The following CRHBP variants were observed in gnomAD, a reference collection of about 807,000 sequenced individuals.
CRHBP encodes corticotropin releasing hormone binding protein, also known as corticotropin-releasing hormone-binding protein.
In CRHBP, 19 loss-of-function variants were observed where a neutral mutation model predicts 34.9. The ratio of observed to expected loss-of-function variants is 0.55; its 90% confidence interval spans 0.38 to 0.80. The LOEUF (loss-of-function observed/expected upper bound fraction) is 0.80. Ranked by LOEUF, CRHBP falls within the 30% of genes least tolerant of loss-of-function variation. CRHBP has a pLI of 0.00. For missense variants in CRHBP, 328 were observed against 409.2 expected (o/e 0.80, Z 1.71); for synonymous variants, 154 against 153.4 (o/e 1.00, Z -0.03).
intron 6 of CRHBP, among the ~76,000 whole-genome samples, chr5:76,965,477 A>G (rs1190780794): frequency 6.6e-6 from 1 of 152,244 alleles, no homozygotes; most frequent in East Asian, 1.9e-4. Context: ...CTGTCAGTGC[A>G]TGCGGCTTCT....
At chr5:76,964,606 C>T (rs1312031546) in intron 6 of CRHBP, among the ~76,000 whole-genome samples, 1 of 152,226 alleles carries the variant, frequency 6.6e-6, no homozygotes, top group Non-Finnish European at 1.5e-5. Context: ...GTAATCACAG[C>T]ACTTTGGGAG....
intron 6 of CRHBP, among the ~76,000 whole-genome samples, 194 bp from the exon 7 acceptor site, chr5:76,968,534 A>G (rs185828534): frequency 1.8e-3 from 274 of 152,346 alleles, no homozygotes; most frequent in Middle Eastern, 0.01. Flanking sequence ...CAATTGCACT[A>G]TTCTATAACT....
At chr5:76,958,160 G>GAA (rs888448476) in intron 4 of CRHBP, among the ~76,000 whole-genome samples, 3 of 140,570 alleles carry the variant, frequency 2.1e-5, no homozygotes, top group Non-Finnish European at 3.1e-5. Context: ...TTCCATCTCA[G>GAA]AAAAAAAAAA....
At chr5:76,963,523 C>A (rs879859446) in intron 6 of CRHBP, 63 bp downstream of exon 6, 105 of 1,421,970 alleles carry the variant, frequency 7.4e-5, no homozygotes, top group Non-Finnish European at 1.0e-4. Context: ...TAAGCACTCC[C>A]CTAATATTTT....
chr5:76,974,829 A>C (rs1000017236), intron 2 of CRHBP, among the ~76,000 whole-genome samples: 1 of 152,214 alleles, frequency 6.6e-6, no homozygotes, highest in Non-Finnish European at 1.5e-5. Flanking sequence ...AGAAACAGAG[A>C]TACGAGAGAG....
downstream of CRHBP, among the ~76,000 whole-genome samples, chr5:76,971,764 T>C (rs1283803561): frequency 6.6e-6 from 1 of 152,236 alleles, no homozygotes; most frequent in Non-Finnish European, 1.5e-5. Flanking sequence ...GAGCAAATTG[T>C]CTCATAAATT....
chr5:76,968,515 G>T (rs1273467857), intron 6 of CRHBP, among the ~76,000 whole-genome samples: 1 of 152,120 alleles, frequency 6.6e-6, no homozygotes, highest in African/African-American at 2.4e-5. Context: ...TGAGGAGAAA[G>T]ACTGAATTCA....
intron 6 of CRHBP, among the ~76,000 whole-genome samples, chr5:76,964,107 T>A (rs940087826): frequency 6.6e-6 from 1 of 152,152 alleles, no homozygotes; most frequent in African/African-American, 2.4e-5. Flanking sequence ...TATTTTCACT[T>A]TTTTATGCTC....
At position 76,959,786 on chromosome 5, in the gene CRHBP, G is replaced by T. The variant is rs183219281; in HGVS notation, c.693+897G>T. 2.1e-3 allele frequency among the ~76,000 whole-genome samples: 325 copies of T among 152,206 alleles called. 3 individuals carry two copies. The highest frequency in any genetic ancestry group is 7.4e-3 in the African/African-American group (306 of 41,534). On this transcript the variant is annotated intron_variant, in intron 5 of 6. Transcript: ENST00000274368. ...AGTCCTTTGATAAGGACATTTTTGG[G>T]TATCTTTGGTACAGTTTTACTGGCT... is the stretch of plus-strand genomic sequence containing the variant.
intron 6 of CRHBP, among the ~76,000 whole-genome samples, chr5:76,964,407 T>C (rs1252362787): frequency 3.9e-5 from 6 of 152,224 alleles, no homozygotes; most frequent in Admixed American, 2.6e-4. Context: ...TGATCAGCTG[T>C]TACCTGTAAT....
At chr5:76,962,339 A>G (rs1429907708) in intron 5 of CRHBP, among the ~76,000 whole-genome samples, 6 of 152,326 alleles carry the variant, frequency 3.9e-5, no homozygotes, top group African/African-American at 1.2e-4. Flanking sequence ...CCTTCTAGGC[A>G]CTGGCTTTTT....
downstream of CRHBP, among the ~76,000 whole-genome samples, chr5:76,971,603 C>T (rs1012499402): frequency 6.6e-5 from 10 of 152,290 alleles, no homozygotes; most frequent in East Asian, 1.9e-4. Context: ...CTAATCCTAA[C>T]GTTTGAGGGT....
intron 4 of CRHBP, 103 bp from the exon 5 acceptor site, chr5:76,958,638 C>A: frequency 7.5e-7 from 1 of 1,328,030 alleles, no homozygotes; most frequent in Non-Finnish European, 1.0e-6. Context: ...GCAGAAGGCC[C>A]TAGATCATGA....
At chr5:76,968,290 G>A (rs994413356) in intron 6 of CRHBP, among the ~76,000 whole-genome samples, 2 of 148,942 alleles carry the variant, frequency 1.3e-5, no homozygotes, top group Admixed American at 6.8e-5. Context: ...ACCCTAGATC[G>A]GTGACAACCA....
rs1561269768 is a variant in CRHBP, at chr5:76,975,830, A to AAAAAAT, written n.312-535_312-534insAAAAAT. On this transcript the variant is annotated intron_variant and non_coding_transcript_variant, in intron 2 of 3. Transcript: ENST00000514258. ...AAAAAAAAAAAAAAAAAAAAAATATATATATATATATATATACACGCATAT... is the reference window on the plus strand; with the variant it reads ...AAAAAAAAAAAAAAAAAAAAAATATAAAAAATTATATATATATATATACACGCATAT... 3.1e-4 allele frequency among the ~76,000 whole-genome samples: 31 copies of AAAAAAT among 98,552 alleles called. 2 individuals carry two copies. The highest frequency in any genetic ancestry group is 1.7e-3 in the African/African-American group (30 of 17,448). 64.7% of individuals were successfully genotyped at this position (98,552 alleles called of 152,430 possible).
At chr5:76,975,958 GTA>G (rs146423246) in intron 2 of CRHBP, among the ~76,000 whole-genome samples, 41 of 137,822 alleles carry the variant, frequency 3.0e-4, no homozygotes, top group Admixed American at 4.5e-4. Flanking sequence ...ATATATGCGT[GTA>G]TATATATATA....
At chr5:76,980,128 G>T (rs536718062) in intron 3 of CRHBP, among the ~76,000 whole-genome samples, 216 of 150,596 alleles carry the variant, frequency 1.4e-3, no homozygotes, top group African/African-American at 5.1e-3. Flanking sequence ...GGTGGCGGGC[G>T]CCTGTAGTCC....
chr5:76,964,417 T>C (rs144111420), intron 6 of CRHBP, among the ~76,000 whole-genome samples: 1 of 152,354 alleles, frequency 6.6e-6, no homozygotes, highest in East Asian at 1.9e-4. Flanking sequence ...TTACCTGTAA[T>C]AATTAAAACC....
At chr5:76,977,326 TTA>T (rs1295237709) in intron 3 of CRHBP, among the ~76,000 whole-genome samples, 1 of 152,236 alleles carries the variant, frequency 6.6e-6, no homozygotes, top group Non-Finnish European at 1.5e-5. Context: ...TGTGCGGATA[TTA>T]TGTTTTCTAC....
Sources: allele counts gnomAD v4.1 joint callset (sites outside exome capture counted in the v4.1 genomes callset), GRCh38; gene constraint gnomAD v4.1.1; transcripts MANE v1.5; gene names NCBI Gene and HGNC (gene_info 2026-07-23, HGNC 2026-07-21).